The following KAZN variants were observed in gnomAD, a reference collection of about 807,000 sequenced individuals.
KAZN encodes kazrin.
Under a neutral mutation model 87.4 loss-of-function variants are expected in KAZN, and 40 were observed. The ratio of observed to expected loss-of-function variants is 0.46; its 90% confidence interval spans 0.36 to 0.60. The LOEUF (loss-of-function observed/expected upper bound fraction) is 0.60. KAZN is among the 20% of genes least tolerant of loss of function. The pLI is 0.00. For missense variants in KAZN, 898 were observed against 1,073.9 expected, an observed-to-expected ratio of 0.84 and a Z score of 2.29; for synonymous variants, 466 against 458.3, an observed-to-expected ratio of 1.02 and a Z score of -0.22.
intron 1 of KAZN, among the ~76,000 whole-genome samples, chr1:14,801,486 G>A (rs190342252): frequency 1.1e-3 from 166 of 152,144 alleles, no homozygotes; most frequent in Non-Finnish European, 1.6e-3. Context: ...GACTGAGAGG[G>A]TGATTTAGGA....
intron 1 of KAZN, among the ~76,000 whole-genome samples, chr1:14,843,191 G>A (rs1648227379): frequency 6.6e-6 from 1 of 152,244 alleles, no homozygotes; most frequent in South Asian, 2.1e-4. Flanking sequence ...TATTCAAGTC[G>A]ATTCCTACTG....
intron 1 of KAZN, among the ~76,000 whole-genome samples, chr1:13,959,776 G>A (rs1641683102): frequency 6.6e-6 from 1 of 152,042 alleles, no homozygotes; most frequent in Non-Finnish European, 1.5e-5. Flanking sequence ...CCAAATTAAG[G>A]CAGCCTTTCT....
At chr1:14,403,213 TG>T (rs1663566987) in intron 2 of KAZN, among the ~76,000 whole-genome samples, 1 of 152,322 alleles carries the variant, frequency 6.6e-6, no homozygotes, top group South Asian at 2.1e-4. Flanking sequence ...CAAATGGTGC[TG>T]GGAGAATTAG....
At chr1:15,086,319 G>T (rs1458064775) in intron 8 of KAZN, among the ~76,000 whole-genome samples, 1 of 152,192 alleles carries the variant, frequency 6.6e-6, no homozygotes, top group Non-Finnish European at 1.5e-5. Context: ...AATTCGGCTT[G>T]CAGTGGACTT....
intron 2 of KAZN, among the ~76,000 whole-genome samples, chr1:14,204,731 G>C (rs1277809402): frequency 3.3e-5 from 5 of 152,188 alleles, no homozygotes; most frequent in African/African-American, 1.2e-4. Flanking sequence ...ACAAGGCATG[G>C]ACTAATTTCT....
At chr1:14,645,965 A>G (rs1572126073) in intron 1 of KAZN, among the ~76,000 whole-genome samples, 1 of 152,356 alleles carries the variant, frequency 6.6e-6, no homozygotes, top group East Asian at 1.9e-4. Context: ...GCTGAATCTC[A>G]AAAGCATTAT....
At chr1:13,953,340 T>C (rs1039882459) in intron 1 of KAZN, among the ~76,000 whole-genome samples, 3 of 152,214 alleles carry the variant, frequency 2.0e-5, no homozygotes, top group African/African-American at 7.2e-5. Context: ...TCAATCTTGG[T>C]TCTGCACTAA....
intron 2 of KAZN, among the ~76,000 whole-genome samples, chr1:14,564,607 C>T (rs1253914482): frequency 2.7e-5 from 4 of 150,722 alleles, no homozygotes; most frequent in Non-Finnish European, 5.9e-5. Flanking sequence ...AGTTCAAGAC[C>T]AGCCTGGCCA....
At chr1:14,746,406 C>T (rs1184784858) in intron 1 of KAZN, among the ~76,000 whole-genome samples, 3 of 152,166 alleles carry the variant, frequency 2.0e-5, no homozygotes. Context: ...GCGGAGGACT[C>T]AGTCTCTGCT....
intron 2 of KAZN, among the ~76,000 whole-genome samples, chr1:14,252,664 T>G (rs1342456758): frequency 3.3e-5 from 5 of 152,204 alleles, no homozygotes; most frequent in Non-Finnish European, 5.9e-5. Context: ...AGGATTCAAA[T>G]GCTTAAACAA....
intron 1 of KAZN, among the ~76,000 whole-genome samples, chr1:14,751,817 G>A (rs1449340733): frequency 6.6e-6 from 1 of 152,188 alleles, no homozygotes; most frequent in South Asian, 2.1e-4. Context: ...TCCTAGACTG[G>A]CATAGGATCC....
At chr1:14,467,528 G>A (rs956466399) in intron 2 of KAZN, among the ~76,000 whole-genome samples, 1 of 151,900 alleles carries the variant, frequency 6.6e-6, no homozygotes, top group Admixed American at 6.6e-5. Flanking sequence ...TAAGCAAACA[G>A]TAGAAAGATT....
intron 2 of KAZN, among the ~76,000 whole-genome samples, chr1:14,189,001 C>T (rs1379681182): frequency 1.3e-5 from 2 of 152,174 alleles, no homozygotes; most frequent in Admixed American, 1.3e-4. Flanking sequence ...CAAACAGTCC[C>T]ATAAGAGTAG....
chr1:14,860,028 G>A lies in KAZN; in HGVS notation c.227-100656G>A, dbSNP rs550660100. Among the ~76,000 whole-genome samples the A allele has an allele frequency of 2.0e-5, 3 of 152,240 alleles. No homozygotes were observed. The South Asian group carries it at 6.2e-4, about 32-fold the overall frequency. ...CACCAGTCACTTTGAACAAGAGCAG[G>A]AAGGACCCCTGCTCCCCAGGCCAAG... On this transcript the variant is annotated intron_variant, in intron 1 of 14. Transcript: ENST00000376030.
At chr1:14,665,778 C>A (rs1421634481) in intron 1 of KAZN, among the ~76,000 whole-genome samples, 1 of 152,110 alleles carries the variant, frequency 6.6e-6, no homozygotes, top group East Asian at 1.9e-4. Context: ...ATCATCACAG[C>A]TCTCCATAGC....
At chr1:14,818,200 C>T (rs61772307) in intron 1 of KAZN, among the ~76,000 whole-genome samples, 1 of 152,316 alleles carries the variant, frequency 6.6e-6, no homozygotes, top group African/African-American at 2.4e-5. Context: ...ATGCTGGGTA[C>T]TTTGTTGCCC....
intron 1 of KAZN, among the ~76,000 whole-genome samples, chr1:14,859,398 T>C (rs1017115160): frequency 6.6e-6 from 1 of 152,118 alleles, no homozygotes; most frequent in African/African-American, 2.4e-5. Flanking sequence ...CAGCAGGAAG[T>C]GGCAGAGCTG....
At chr1:13,964,645 A>G (rs961263152) in intron 1 of KAZN, among the ~76,000 whole-genome samples, 7 of 152,176 alleles carry the variant, frequency 4.6e-5, no homozygotes, top group Non-Finnish European at 1.0e-4. Context: ...GTTCTGAGAG[A>G]GGCAAGTATC....
At chr1:14,033,400 G>T (rs1289220676) in intron 1 of KAZN, among the ~76,000 whole-genome samples, 1 of 152,170 alleles carries the variant, frequency 6.6e-6, no homozygotes, top group Non-Finnish European at 1.5e-5. Context: ...TGGCATGGGG[G>T]CTGCTGAGGT....
Sources: allele counts gnomAD v4.1 joint callset (sites outside exome capture counted in the v4.1 genomes callset), GRCh38; gene constraint gnomAD v4.1.1; transcripts MANE v1.5; gene names NCBI Gene and HGNC (gene_info 2026-07-23, HGNC 2026-07-21).